Variants in OR56A3 observed in about 807,000 individuals in gnomAD.
The protein encoded by OR56A3 is olfactory receptor 56A3.
OR56A3 carries 23 observed loss-of-function variants against 17.5 expected under a neutral mutation model. The ratio of observed to expected loss-of-function variants is 1.32; its 90% CI spans 0.95 to 1.87. The LOEUF (loss-of-function observed/expected upper bound fraction) is 1.87. OR56A3 is among the 40% of genes most tolerant of loss of function. The pLI is 0.00. For synonymous variants in OR56A3, 175 were observed against 150.6 expected (o/e 1.16, Z -1.19); for missense variants, 366 against 380.1 (o/e 0.96, Z 0.31).
At chr11:5,994,241 G>T in the OR56A3 span, 1 of 556,518 alleles carries the variant, frequency 1.8e-6, no homozygotes, top group East Asian at 4.2e-5. Context: ...ATCCAGTCCA[G>T]GTCTATCTCC....
chr11:5,963,484 A>T, the OR56A3 span, among the ~76,000 whole-genome samples: 1 of 151,752 alleles, frequency 6.6e-6, no homozygotes, highest in East Asian at 1.9e-4. Context: ...GTTTTTTTTT[A>T]AATATATTTT....
chr11:5,967,480 T>G, the OR56A3 span: 1 of 1,104,862 alleles, frequency 9.1e-7, no homozygotes, highest in Non-Finnish European at 1.3e-6. Context: ...AATTTAAATT[T>G]TCTATGCATC....
At chr11:6,019,803 A>G in the OR56A3 span, 2 of 152,246 alleles carry the variant, frequency 1.3e-5, no homozygotes, top group African/African-American at 4.8e-5. Flanking sequence ...GAATGTCAGA[A>G]GGCTTTTTCT....
the OR56A3 span, chr11:5,986,807 G>A: frequency 6.2e-7 from 1 of 1,614,024 alleles, no homozygotes. Context: ...ATCCAGTGCT[G>A]GCTTTCCTCT....
At chr11:5,989,519 G>A in the OR56A3 span, among the ~76,000 whole-genome samples, 4 of 152,150 alleles carry the variant, frequency 2.6e-5, no homozygotes, top group African/African-American at 7.2e-5. Flanking sequence ...GAGTATAACC[G>A]GCTTCTACTT....
the OR56A3 span, among the ~76,000 whole-genome samples, chr11:5,998,081 C>T: frequency 6.6e-6 from 1 of 152,126 alleles, no homozygotes. Flanking sequence ...TCTGTCTCAC[C>T]TCACAAGTCT....
chr11:5,970,464 C>T, the OR56A3 span, among the ~76,000 whole-genome samples: 24 of 152,100 alleles, frequency 1.6e-4, no homozygotes, highest in Middle Eastern at 3.4e-3. Context: ...AAATAGAATG[C>T]GGGAGGACAG....
chr11:5,961,930 T>C, the OR56A3 span, among the ~76,000 whole-genome samples: 1 of 152,152 alleles, frequency 6.6e-6, no homozygotes, highest in African/African-American at 2.4e-5. Context: ...CTTCCAATAT[T>C]AGTAAAGAGA....
the OR56A3 span, chr11:5,994,734 T>C: frequency 1.2e-6 from 1 of 815,026 alleles, no homozygotes; most frequent in Non-Finnish European, 2.1e-6. Flanking sequence ...TTGTCCACAG[T>C]ATTTGCGAAG....
chr11:6,014,323 G>A, the OR56A3 span, among the ~76,000 whole-genome samples: 1 of 152,174 alleles, frequency 6.6e-6, no homozygotes, highest in Non-Finnish European at 1.5e-5. Context: ...GGTGGGAGAC[G>A]ATTGACTCAC....
chr11:5,989,265 A>G, the OR56A3 span, among the ~76,000 whole-genome samples: 1 of 152,182 alleles, frequency 6.6e-6, no homozygotes, highest in Non-Finnish European at 1.5e-5. Context: ...GCTTCAGCCC[A>G]TTTCTCATTT....
chr11:6,009,467 A>T, the OR56A3 span, among the ~76,000 whole-genome samples: 1 of 152,194 alleles, frequency 6.6e-6, no homozygotes, highest in African/African-American at 2.4e-5. Context: ...CTGATTATTG[A>T]CAAGTATTTT....
the OR56A3 span, among the ~76,000 whole-genome samples, chr11:5,991,353 T>A: frequency 6.6e-6 from 1 of 152,144 alleles, no homozygotes; most frequent in Non-Finnish European, 1.5e-5. Flanking sequence ...CCCTAATCAT[T>A]TTCCATCTAT....
At chr11:5,967,687 T>G in the OR56A3 span, 1 of 1,613,834 alleles carries the variant, frequency 6.2e-7, no homozygotes, top group Non-Finnish European at 8.5e-7. Flanking sequence ...GGAGGAATTC[T>G]CTTCCTGGCC....
chr11:6,016,286 C>T, the OR56A3 span, among the ~76,000 whole-genome samples: 8 of 152,154 alleles, frequency 5.3e-5, no homozygotes, highest in South Asian at 1.7e-3. Context: ...CAGAGGTTGC[C>T]ATGCTTCTTG....
At chr11:5,993,490 C>T in the OR56A3 span, among the ~76,000 whole-genome samples, 1 of 152,130 alleles carries the variant, frequency 6.6e-6, no homozygotes, top group African/African-American at 2.4e-5. Flanking sequence ...GTTGGACCCT[C>T]CTAGACTCAG....
chr11:6,011,850 G>A, the OR56A3 span, among the ~76,000 whole-genome samples: 103,233 of 152,018 alleles, frequency 0.68, 35,366 homozygotes, highest in East Asian at 0.93. Context: ...GCTGCCACGG[G>A]CAGACAGATT....
chr11:5,960,449 C>A, the OR56A3 span, among the ~76,000 whole-genome samples: 1 of 152,214 alleles, frequency 6.6e-6, no homozygotes, highest in African/African-American at 2.4e-5. Context: ...TTGGTGGAGA[C>A]CGGGTTTCGC....
At chr11:5,991,952 G>T in the OR56A3 span, among the ~76,000 whole-genome samples, 4,690 of 152,300 alleles carry the variant, frequency 0.031, 99 homozygotes, top group Non-Finnish European at 0.047. Flanking sequence ...GCCCACAGGG[G>T]TAGGTGATTG....
Sources: allele counts gnomAD v4.1 joint callset (sites outside exome capture counted in the v4.1 genomes callset), GRCh38; gene constraint gnomAD v4.1.1; transcripts MANE v1.5; gene names NCBI Gene and HGNC (gene_info 2026-07-23, HGNC 2026-07-21).